SCN11A: variants seen among roughly 807,000 people sequenced by gnomAD.
SCN11A encodes the protein sodium channel protein type 11 subunit alpha.
SCN11A carries 122 observed loss-of-function variants against 162.2 expected under a neutral mutation model. The ratio of observed to expected loss-of-function variants is 0.75; its 90% confidence interval spans 0.65 to 0.87. SCN11A has a LOEUF of 0.87. Ranked by LOEUF, SCN11A falls within the 40% of genes least tolerant of loss-of-function variation. The probability of loss-of-function intolerance (pLI) is 0.00; values close to 1 mark genes in which losing one functional copy is unlikely to be tolerated. For missense variants in SCN11A, 2,015 were observed against 2,181.6 expected (o/e 0.92, Z 1.52); for synonymous variants, 758 against 751.5 (o/e 1.01, Z -0.14).
intron 7 of SCN11A, among the ~76,000 whole-genome samples, chr3:38,930,582 T>C (rs1575306106): frequency 6.6e-6 from 1 of 152,336 alleles, no homozygotes; most frequent in Middle Eastern, 3.4e-3. Context: ...ATACAGATCT[T>C]AAGCAAATGA....
intron 19 of SCN11A, among the ~76,000 whole-genome samples, chr3:38,889,492 C>G (rs2065458157): frequency 6.6e-6 from 1 of 151,630 alleles, no homozygotes; most frequent in African/African-American, 2.4e-5. Flanking sequence ...GGTGGTCATT[C>G]AATGCATTTG....
In SCN11A at chr3:39,035,399, A is replaced by G. The variant is rs145299388; in HGVS notation, c.-403-2896T>C. Among the ~76,000 whole-genome samples, 47 of 152,328 alleles carry G rather than the reference A, an allele frequency of 3.1e-4. No homozygotes were observed. In the East Asian group the frequency reaches 8.9e-3, roughly 29 times the overall value. On this transcript the variant is annotated intron_variant, in intron 1 of 29. Coordinates refer to ENST00000302328, the MANE Select transcript of SCN11A (RefSeq NM_001349253.2). ...TGGGAAAACTGGATATCCATATGCA[A>G]AAGAATGAAACTAGGCCCCTATCTC...
intron 15 of SCN11A, 44 bp downstream of exon 15, chr3:38,905,148 A>T (rs1403228587): frequency 3.1e-6 from 5 of 1,612,804 alleles, no homozygotes; most frequent in Non-Finnish European, 4.2e-6. Context: ...ATGGAAGGAC[A>T]TCACTGAAGT....
At position 38,897,242 on chromosome 3, in the gene SCN11A, C is replaced by T. The variant is rs146882392; in HGVS notation, c.2023-17G>A. The T allele has an allele frequency of 1.7e-4, 266 of 1,567,466 alleles. 2 individuals carry two copies. The East Asian group carries it at 5.1e-3, about 30-fold the overall frequency. ...GACCCTGAGCTGTAGAAAAAGACAA[C>T]AAACAAAAATGGAAGAAAAGCCAGT... On this transcript the variant is annotated splice_polypyrimidine_tract_variant and intron_variant, in intron 17 of 29. Transcript: ENST00000302328.
chr3:38,865,414 C>G (rs989455644), intron 27 of SCN11A, among the ~76,000 whole-genome samples: 1 of 152,094 alleles, frequency 6.6e-6, no homozygotes, highest in Non-Finnish European at 1.5e-5. Flanking sequence ...AGAAGCAATA[C>G]AGTTTGTGTA....
intron 1 of SCN11A, among the ~76,000 whole-genome samples, chr3:39,043,909 C>T (rs981709929): frequency 6.6e-6 from 1 of 152,028 alleles, no homozygotes; most frequent in African/African-American, 2.4e-5. Context: ...CCCAATTTTC[C>T]ATGATGTGAT....
intron 28 of SCN11A, among the ~76,000 whole-genome samples, chr3:38,855,379 G>A (rs540206021): frequency 1.2e-3 from 178 of 152,286 alleles, no homozygotes; most frequent in African/African-American, 4.0e-3. Context: ...CCCACTCAAG[G>A]AGAGTCTGCA....
intron 19 of SCN11A, among the ~76,000 whole-genome samples, chr3:38,887,141 T>G (rs2065414662): frequency 6.6e-6 from 1 of 152,190 alleles, no homozygotes; most frequent in Non-Finnish European, 1.5e-5. Context: ...ATATGTTTTC[T>G]TAGAAGCTTC....
chr3:38,880,167 A>G (rs2065285994), intron 22 of SCN11A, 44 bp from the exon 23 acceptor site: 1 of 1,415,770 alleles, frequency 7.1e-7, no homozygotes, highest in African/African-American at 1.4e-5. Context: ...GAATATTTGC[A>G]AAGAACTCCT....
At chr3:38,932,699 A>G (rs1389649889) in intron 7 of SCN11A, among the ~76,000 whole-genome samples, 1 of 152,224 alleles carries the variant, frequency 6.6e-6, no homozygotes, top group African/African-American at 2.4e-5. Flanking sequence ...AGGCTTGCTT[A>G]GGTAAACAAA....
At chr3:38,975,896 A>G (rs2066846835) in intron 2 of SCN11A, among the ~76,000 whole-genome samples, 1 of 152,180 alleles carries the variant, frequency 6.6e-6, no homozygotes, top group Non-Finnish European at 1.5e-5. Context: ...CTGGAGATTG[A>G]TCTCACAAAC....
At chr3:38,987,303 T>TCACACACACACA (rs57092499) in intron 2 of SCN11A, among the ~76,000 whole-genome samples, 7 of 104,472 alleles carry the variant, frequency 6.7e-5, no homozygotes, top group Non-Finnish European at 7.9e-5. Context: ...TCTCTCTCTC[T>TCACACACACACA]CACACACACA....
chr3:38,858,029 CCAAAA>C (rs566419027), intron 28 of SCN11A, among the ~76,000 whole-genome samples: 11 of 151,916 alleles, frequency 7.2e-5, no homozygotes, highest in South Asian at 2.1e-4. Context: ...TTGAAATACA[CCAAAA>C]CAAAACAAAA....
chr3:38,855,804 G>A (rs1214745744), intron 28 of SCN11A, among the ~76,000 whole-genome samples: 1 of 152,150 alleles, frequency 6.6e-6, no homozygotes, highest in Non-Finnish European at 1.5e-5. Flanking sequence ...GACTCTCACA[G>A]AGTCTACTTC....
intron 11 of SCN11A, among the ~76,000 whole-genome samples, chr3:38,914,475 T>C (rs1294011083): frequency 1.3e-5 from 2 of 152,190 alleles, no homozygotes; most frequent in Non-Finnish European, 2.9e-5. Context: ...TTGGATGCCC[T>C]TTATTTCTTT....
chr3:38,986,176 A>G (rs1005889922), intron 2 of SCN11A, among the ~76,000 whole-genome samples: 1 of 150,898 alleles, frequency 6.6e-6, no homozygotes, highest in Non-Finnish European at 1.5e-5. Flanking sequence ...CATGGGCATG[A>G]ATACTAGGAG....
At chr3:38,958,753 T>G (rs2066712661) in intron 3 of SCN11A, among the ~76,000 whole-genome samples, 1 of 152,224 alleles carries the variant, frequency 6.6e-6, no homozygotes, top group Non-Finnish European at 1.5e-5. Context: ...AAGAACATTT[T>G]CATAAAGAAA....
At chr3:39,009,594 GA>G (rs1317819819) in intron 2 of SCN11A, among the ~76,000 whole-genome samples, 1 of 148,104 alleles carries the variant, frequency 6.8e-6, no homozygotes, top group African/African-American at 2.5e-5. Context: ...AGAGAAAATA[GA>G]AAGTTGAACA....
chr3:38,937,223 A>C (rs879855613), intron 7 of SCN11A, among the ~76,000 whole-genome samples: 125 of 151,932 alleles, frequency 8.2e-4, no homozygotes, highest in Admixed American at 1.4e-3. Context: ...AAATTAATTC[A>C]AGATGGATTA....
Sources: allele counts gnomAD v4.1 joint callset (sites outside exome capture counted in the v4.1 genomes callset), GRCh38; gene constraint gnomAD v4.1.1; transcripts MANE v1.5; gene names NCBI Gene and HGNC (gene_info 2026-07-23, HGNC 2026-07-21).